The following CNTN4 variants were observed in gnomAD, a reference collection of about 807,000 sequenced individuals.
CNTN4 encodes the protein contactin 4, also known as contactin-4.
Under a neutral mutation model 122.5 loss-of-function variants are expected in CNTN4, and 77 were observed. The observed-to-expected ratio is 0.63, with a 90% CI of 0.52 to 0.76. The LOEUF (loss-of-function observed/expected upper bound fraction) is 0.76, where lower values mean the gene tolerates loss of function less well. Ranked by LOEUF, CNTN4 falls within the 30% of genes least tolerant of loss-of-function variation. The probability of loss-of-function intolerance (pLI) is 0.00; values close to 1 mark genes in which losing one functional copy is unlikely to be tolerated. For missense variants in CNTN4, 1,256 were observed against 1,259.1 expected, an observed-to-expected ratio of 1.00 and a Z score of 0.04; for synonymous variants, 512 against 447.0, an observed-to-expected ratio of 1.15 and a Z score of -1.83.
intron 3 of CNTN4, among the ~76,000 whole-genome samples, chr3:2,370,788 A>G (rs1017090523): frequency 1.6e-4 from 25 of 152,180 alleles, no homozygotes; most frequent in African/African-American, 6.0e-4. Context: ...CCCAATTTCT[A>G]TCAACCAGAA....
intron 3 of CNTN4, among the ~76,000 whole-genome samples, chr3:2,514,186 C>T (rs9828174): frequency 0.2 from 30,775 of 152,056 alleles, 4,512 homozygotes; most frequent in African/African-American, 0.42. Flanking sequence ...CCAGAGCTGC[C>T]GGCTTAAGCA....
At chr3:2,148,966 GTGTGTT>G in intron 2 of CNTN4, among the ~76,000 whole-genome samples, 1 of 151,468 alleles carries the variant, frequency 6.6e-6, no homozygotes, top group Admixed American at 6.6e-5. Context: ...GTGTGTGTGT[GTGTGTT>G]GGGGGGGTGG....
At chr3:2,164,064 G>A (rs916830922) in intron 2 of CNTN4, among the ~76,000 whole-genome samples, 23 of 152,050 alleles carry the variant, frequency 1.5e-4, no homozygotes, top group Non-Finnish European at 1.5e-5. Context: ...ACTACATGTT[G>A]GGTACAATGT....
At chr3:2,820,476 A>G (rs1439033881) in intron 7 of CNTN4, among the ~76,000 whole-genome samples, 1 of 152,148 alleles carries the variant, frequency 6.6e-6, no homozygotes, top group East Asian at 1.9e-4. Flanking sequence ...GTTTTTATGC[A>G]GGTTCCGTTG....
At chr3:2,407,849 T>C (rs2047094307) in intron 3 of CNTN4, among the ~76,000 whole-genome samples, 1 of 152,198 alleles carries the variant, frequency 6.6e-6, no homozygotes, top group East Asian at 1.9e-4. Context: ...AAATAAATCT[T>C]CCCTTCATGT....
rs1250052184 is a variant in CNTN4 at position 2,758,629 on chromosome 3, C to T, written c.358+12932C>T. ...TCAAACTATTCGCCTACCTCAGCTT[C>T]CTGAGTAGCTGGGATTACAGGCGCA... On this transcript the variant is annotated intron_variant, in intron 6 of 24. Coordinates refer to ENST00000418658, the MANE Select transcript of CNTN4 (RefSeq NM_175607.3). 4.0e-5 allele frequency among the ~76,000 whole-genome samples: 6 copies of T among 150,662 alleles called. No homozygotes were observed. In the South Asian group the frequency reaches 1.3e-3, roughly 32 times the overall value.
At chr3:2,900,550 C>T (rs1448543471) in intron 10 of CNTN4, 135 bp from the exon 11 acceptor site, 3 of 958,464 alleles carry the variant, frequency 3.1e-6, no homozygotes, top group Non-Finnish European at 4.9e-6. Flanking sequence ...AATGTCTCCC[C>T]AGTCTTGTTA....
chr3:2,637,580 C>T (rs1483710260), intron 4 of CNTN4, among the ~76,000 whole-genome samples: 3 of 152,136 alleles, frequency 2.0e-5, no homozygotes, highest in Non-Finnish European at 4.4e-5. Flanking sequence ...TTGGTCCCTG[C>T]CTCAACAAGA....
chr3:2,205,481 G>A (rs1153541), intron 2 of CNTN4, among the ~76,000 whole-genome samples: 150,471 of 151,962 alleles, frequency 0.99, 74,509 homozygotes, highest in Middle Eastern at 1. Context: ...CAGAGACTTG[G>A]GATCCCATGA....
intron 3 of CNTN4, among the ~76,000 whole-genome samples, chr3:2,353,789 C>T (rs1048041257): frequency 6.6e-6 from 1 of 152,180 alleles, no homozygotes; most frequent in Non-Finnish European, 1.5e-5. Flanking sequence ...GTCCCAGCTA[C>T]TCGGGAGGCT....
chr3:2,975,403 T>C (rs143209723), intron 13 of CNTN4, among the ~76,000 whole-genome samples: 10 of 152,304 alleles, frequency 6.6e-5, no homozygotes, highest in African/African-American at 2.4e-4. Flanking sequence ...ACATTGACTT[T>C]GGATGTTTTA....
chr3:2,276,412 G>A (rs1450955938), intron 2 of CNTN4, among the ~76,000 whole-genome samples: 1 of 152,136 alleles, frequency 6.6e-6, no homozygotes, highest in Non-Finnish European at 1.5e-5. Context: ...GGCCTCAAGT[G>A]ATCCACCTGC....
intron 2 of CNTN4, among the ~76,000 whole-genome samples, chr3:2,311,895 A>G (rs2042928046): frequency 6.6e-6 from 1 of 152,102 alleles, no homozygotes; most frequent in African/African-American, 2.4e-5. Flanking sequence ...TTCTTAGGTA[A>G]CCCTTAGATA....
chr3:2,947,226 G>A (rs113772126), intron 13 of CNTN4, among the ~76,000 whole-genome samples: 4,131 of 152,240 alleles, frequency 0.027, 76 homozygotes, highest in Non-Finnish European at 0.045. Context: ...GTGAAAATAA[G>A]AAAATGTAGT....
At chr3:2,895,219 AC>A (rs1316678934) in intron 10 of CNTN4, among the ~76,000 whole-genome samples, 3 of 152,110 alleles carry the variant, frequency 2.0e-5, no homozygotes, top group African/African-American at 7.2e-5. Flanking sequence ...CAGATGATCC[AC>A]CTGCCTCGGC....
intron 3 of CNTN4, among the ~76,000 whole-genome samples, chr3:2,527,703 C>G (rs893237597): frequency 1.3e-5 from 2 of 152,060 alleles, no homozygotes; most frequent in Non-Finnish European, 2.9e-5. Context: ...ATAGAAATAC[C>G]TGTCTATTAT....
At chr3:2,666,970 T>C (rs1180354167) in intron 4 of CNTN4, among the ~76,000 whole-genome samples, 1 of 152,084 alleles carries the variant, frequency 6.6e-6, no homozygotes, top group African/African-American at 2.4e-5. Context: ...TGTGCCACAT[T>C]TTCTTAATCC....
intron 8 of CNTN4, among the ~76,000 whole-genome samples, chr3:2,871,450 A>T (rs2093783251): frequency 6.6e-6 from 1 of 151,928 alleles, no homozygotes; most frequent in East Asian, 1.9e-4. Context: ...ACGATGTTAA[A>T]CTCTAAAGGG....
At chr3:3,030,300 A>G (rs1341857874) in intron 15 of CNTN4, among the ~76,000 whole-genome samples, 1 of 152,158 alleles carries the variant, frequency 6.6e-6, no homozygotes, top group African/African-American at 2.4e-5. Flanking sequence ...TGGCATTTGG[A>G]AACCAAATGA....
Sources: gnomAD v4.1 joint callset for allele counts (sites outside exome capture counted in the v4.1 genomes callset) on GRCh38, gnomAD v4.1.1 for gene constraint, MANE v1.5 for transcripts, NCBI Gene and HGNC (gene_info 2026-07-23, HGNC 2026-07-21) for gene names.